Variants in MRGPRE observed in about 807,000 individuals in gnomAD.
MRGPRE encodes MAS related GPR family member E, also known as mas-related G protein-coupled receptor member E.
For synonymous variants in MRGPRE, 229 were observed against 206.7 expected (o/e 1.11, Z -0.92); for missense variants, 466 against 433.4 (o/e 1.08, Z -0.67).
chr11:3,231,829 C>T lies in MRGPRE; in HGVS notation c.-62+312G>A, dbSNP rs896621109. 3.3e-5 allele frequency among the ~76,000 whole-genome samples: 5 copies of T among 151,822 alleles called. No individual in the cohort carries two copies. The highest frequency in any genetic ancestry group is 1.2e-4 in the African/African-American group (5 of 41,318). On this transcript the variant is annotated intron_variant, in intron 1 of 1. Transcript: ENST00000389832. The surrounding 1 kb of genome is among the most constrained non-coding windows in gnomAD (Gnocchi z 4.7). ...CCATGACTCCCCTTGAGAGTCTGCA[C>T]CTGCAGGGAACACTCTAGATCATGG...
At position 3,228,842 on chromosome 11, in the gene MRGPRE, G is replaced by T. The variant is rs753097016; in HGVS notation, c.-43C>A. On this transcript the variant is annotated 5_prime_UTR_variant, in exon 2 of 2. Coordinates refer to ENST00000389832, the MANE Select transcript of MRGPRE (RefSeq NM_001039165.4). ...GATGCTGCAGGAGTGTGTTCTGCTC[G>T]CTCTCTCTCCTGATGCCCCTGTAAA... The T allele has an allele frequency of 2.7e-6, 4 of 1,489,230 alleles. No homozygotes were observed. The highest frequency in any genetic ancestry group is 2.0e-5 in the Admixed American group (1 of 50,822). The allele number at this position is 1,489,230 out of a possible 1,614,324, so 92.3% of individuals were successfully genotyped here.
rs1847780904 is a variant in MRGPRE, at chr11:3,227,926, C to G, written c.874G>C (p.Asp292His). 2 of 1,511,524 alleles carry G rather than the reference C, an allele frequency of 1.3e-6. No individual in the cohort carries two copies. The highest frequency in any genetic ancestry group is 2.8e-5 in the African/African-American group (2 of 72,162). 93.6% of individuals were successfully genotyped at this position (1,511,524 alleles called of 1,614,324 possible). ...LRLVLQRALG[D>H]EAELGAVRET... The stretch of plus-strand genomic sequence containing the variant: ...CTGACGGCCCCCAGCTCAGCCTCGT[C>G]TCCCAGCGCTCGCTGGAGGACCAGC... The change falls in exon 2 of 2, where the codon GAC becomes CAC. Residue 292 changes from aspartate to histidine, a missense_variant. Coordinates refer to ENST00000389832, the MANE Select transcript of MRGPRE (RefSeq NM_001039165.4).
In MRGPRE at chr11:3,229,835, C is replaced by T. The variant is rs755940698; in HGVS notation, c.-61-975G>A. Among the ~76,000 whole-genome samples the T allele has an allele frequency of 1.2e-4, 18 of 152,204 alleles. No individual in the cohort carries two copies. Among genetic ancestry groups the T allele is most frequent in the Non-Finnish European group, 2.1e-4 (14 of 68,038 alleles). On this transcript the variant is annotated intron_variant, in intron 1 of 1. Transcript: ENST00000389832. The surrounding 1 kb of genome is among the most constrained non-coding windows in gnomAD (Gnocchi z 4.4). ...AGGCTGCATCCTGCTCAACGTTGCC[C>T]GCCCTTTCCCCATGGGGAGAAGAGG...
Position 3,228,632 on chromosome 11 carries a change from G to T in MRGPRE, c.168C>A (p.Asn56Lys). 1 of 1,614,138 alleles carries T rather than the reference G, an allele frequency of 6.2e-7. No homozygotes were observed. The highest frequency in any genetic ancestry group is 8.5e-7 in the Non-Finnish European group (1 of 1,180,034). ...LWLLSSNVYR[N>K]PFAIYLLDVA... The stretch of plus-strand genomic sequence containing the variant: ...CGTCCAGGAGGTAGATGGCGAAGGG[G>T]TTTCTGTAGACATTGGAGCTGAGCA... Residue 56 changes from asparagine to lysine, a missense_variant, in exon 2 of 2, where the codon AAC becomes AAA. Asn to Lys is a moderately conservative substitution (Grantham distance 94). Coordinates refer to ENST00000389832, the MANE Select transcript of MRGPRE (RefSeq NM_001039165.4).
chr11:3,231,077 C>T lies in MRGPRE; in HGVS notation c.-62+1064G>A, dbSNP rs549954439. Among the ~76,000 whole-genome samples the T allele has an allele frequency of 3.9e-5, 6 of 152,184 alleles. No homozygotes were observed. In the South Asian group the frequency reaches 6.2e-4, roughly 16 times the overall value. On this transcript the variant is annotated intron_variant, in intron 1 of 1. Transcript: ENST00000389832. This position sits in a 1 kb window ranked among gnomAD's most constrained non-coding sequence, Gnocchi z 4.7. The stretch of plus-strand genomic sequence containing the variant: ...GGCACAAGTCCCGTCCACCCATGGA[C>T]GGAGCTATCTCCGGGATCTACCAGC...
Position 3,228,321 on chromosome 11 carries a change from C to T in MRGPRE, c.479G>A (p.Gly160Asp), listed in dbSNP as rs764661225. The T allele has an allele frequency of 2.6e-6, 4 of 1,558,864 alleles. No individual in the cohort carries two copies. Among genetic ancestry groups the T allele is most frequent in the East Asian group, 4.8e-5 (2 of 41,678 alleles). Reference protein sequence around the residue: ...LCLLLHLLLSGACTQFFGEPS... With the variant: ...LCLLLHLLLSDACTQFFGEPS... ...CTCCCCGAAGAACTGGGTGCAGGCG[C>T]CGCTGAGCAGCAGGTGCAGCAGCAG... The change falls in exon 2 of 2, where the codon GGC (glycine) becomes GAC (aspartate). Residue 160 changes from glycine (G) to aspartate (D), a missense_variant. Coordinates refer to ENST00000389832, the MANE Select transcript of MRGPRE (RefSeq NM_001039165.4).
Position 3,225,886 on chromosome 11 carries a change from A to G in MRGPRE, c.*1975T>C, listed in dbSNP as rs1046353231. On this transcript the variant is annotated 3_prime_UTR_variant, in exon 2 of 2. Transcript: ENST00000389832. ...TGCTGAGAGCAGGCTCTCTGGGAAG[A>G]AGTGAGCATTCTAAGGGTCCGCAAT... is the stretch of plus-strand genomic sequence containing the variant. Among the ~76,000 whole-genome samples the G allele has an allele frequency of 2.6e-5, 4 of 152,194 alleles. No homozygotes were observed. The highest frequency in any genetic ancestry group is 4.4e-5 in the Non-Finnish European group (3 of 68,026).
Position 3,227,789 on chromosome 11 carries a change from T to G in MRGPRE, c.*72A>C. On this transcript the variant is annotated 3_prime_UTR_variant, in exon 2 of 2. Transcript: ENST00000389832. ...TCCAGGTCCGGCTGGCCCCAGCCTC[T>G]GACCCCACCACCTTCCCCAAGTCAC... The G allele has an allele frequency of 7.8e-7, 1 of 1,289,488 alleles. No homozygotes were observed. Among genetic ancestry groups the G allele is most frequent in the Admixed American group, 3.0e-5 (1 of 33,794 alleles). 79.9% of individuals were successfully genotyped at this position (1,289,488 alleles called of 1,614,324 possible). A position where few individuals can be genotyped will look rare whatever the true frequency, so the allele number is the denominator to read the frequency against.
rs933495299 is a variant in MRGPRE, at chr11:3,230,309, G to T, written c.-61-1449C>A. Among the ~76,000 whole-genome samples the T allele has an allele frequency of 2.6e-5, 4 of 152,056 alleles. No individual in the cohort carries two copies. The South Asian group carries it at 8.3e-4, about 31-fold the overall frequency. On this transcript the variant is annotated intron_variant, in intron 1 of 1. Coordinates refer to ENST00000389832, the MANE Select transcript of MRGPRE (RefSeq NM_001039165.4). This position sits in a 1 kb window ranked among gnomAD's most constrained non-coding sequence, Gnocchi z 5.5. ...TGGCTGGTCCTCCTGTGTCCTGGGA[G>T]GGCTGGGGTTTGGGGTGAGGAGGGT...
chr11:3,225,514 G>A lies in MRGPRE; in HGVS notation c.*2347C>T, dbSNP rs950818585. Among the ~76,000 whole-genome samples the A allele has an allele frequency of 9.8e-5, 15 of 152,314 alleles. No homozygotes were observed. Among genetic ancestry groups the A allele is most frequent in the Admixed American group, 2.6e-4 (4 of 15,314 alleles). On this transcript the variant is annotated 3_prime_UTR_variant, in exon 2 of 2. Coordinates refer to ENST00000389832, the MANE Select transcript of MRGPRE (RefSeq NM_001039165.4). ...GTGGGGCCTTGTGGCTCTGGGGGCA[G>A]AAGAGGAGGTGCAGCGGGGGAGGTC...
rs561381884 is a variant in MRGPRE, at chr11:3,225,720, T to C, written c.*2141A>G. 7.2e-5 allele frequency among the ~76,000 whole-genome samples: 11 copies of C among 152,326 alleles called. No individual in the cohort carries two copies. The East Asian group carries it at 1.9e-3, about 27-fold the overall frequency. On this transcript the variant is annotated 3_prime_UTR_variant, in exon 2 of 2. Coordinates refer to ENST00000389832, the MANE Select transcript of MRGPRE (RefSeq NM_001039165.4). ...ACCAGCATCCTGGGCCATCAGGCCA[T>C]ATACCTGCTGCCACAGCAGCTACTA...
chr11:3,228,619 A>G lies in MRGPRE; in HGVS notation c.181T>C (p.Tyr61His). Residue 61 changes from tyrosine (Y) to histidine (H), a missense_variant, in exon 2 of 2, where the codon TAC becomes CAC. Coordinates refer to ENST00000389832, the MANE Select transcript of MRGPRE (RefSeq NM_001039165.4). ...TCCGCGCAGGCCACGTCCAGGAGGT[A>G]GATGGCGAAGGGGTTTCTGTAGACA... is the stretch of plus-strand genomic sequence containing the variant. Reference protein sequence around the residue: ...SNVYRNPFAIYLLDVACADLI... With the variant: ...SNVYRNPFAIHLLDVACADLI... 6.2e-7 allele frequency: 1 copy of G among 1,614,120 alleles called. No individual in the cohort carries two copies. Among genetic ancestry groups the G allele is most frequent in the Non-Finnish European group, 8.5e-7 (1 of 1,180,008 alleles).
In MRGPRE at chr11:3,230,889, G is replaced by C. The variant is rs1403058980; in HGVS notation, c.-62+1252C>G. ...TCATCAGGAGGACACCCTGAGTGGGGCAGACGGGGCATCACTGCCATGGCA... is the reference window on the plus strand; with the variant it reads ...TCATCAGGAGGACACCCTGAGTGGGCCAGACGGGGCATCACTGCCATGGCA... On this transcript the variant is annotated intron_variant, in intron 1 of 1. Coordinates refer to ENST00000389832, the MANE Select transcript of MRGPRE (RefSeq NM_001039165.4). The surrounding 1 kb of genome is among the most constrained non-coding windows in gnomAD (Gnocchi z 5.5). Among the ~76,000 whole-genome samples the C allele has an allele frequency of 6.6e-6, 1 of 152,092 alleles. No homozygotes were observed. Among genetic ancestry groups the C allele is most frequent in the East Asian group, 1.9e-4 (1 of 5,174 alleles).
Position 3,231,390 on chromosome 11 carries a change from C to G in MRGPRE, c.-62+751G>C, listed in dbSNP as rs1314070256. ...CAGCCAGACCCTGCTGCTGCCCCCTCTCTGCTGTGACCCTGGAGGAGGTCT... is the reference window on the plus strand; with the variant it reads ...CAGCCAGACCCTGCTGCTGCCCCCTGTCTGCTGTGACCCTGGAGGAGGTCT... On this transcript the variant is annotated intron_variant, in intron 1 of 1. Transcript: ENST00000389832. This position sits in a 1 kb window ranked among gnomAD's most constrained non-coding sequence, Gnocchi z 4.7. Among the ~76,000 whole-genome samples, 3 of 151,968 alleles carry G rather than the reference C, an allele frequency of 2.0e-5. No homozygotes were observed. The highest frequency in any genetic ancestry group is 1.3e-4 in the Admixed American group (2 of 15,276).
In MRGPRE at chr11:3,227,904, A is replaced by G; in HGVS notation, c.896T>C (p.Val299Ala). ...CAGGCCCCGGCGGGAGGTCTCCCTGACGGCCCCCAGCTCAGCCTCGTCTCC... is the reference window on the plus strand; with the variant it reads ...CAGGCCCCGGCGGGAGGTCTCCCTGGCGGCCCCCAGCTCAGCCTCGTCTCC... ...ALGDEAELGAVRETSRRGLVD... is the reference protein window; with the variant it reads ...ALGDEAELGAARETSRRGLVD... Residue 299 changes from valine (V) to alanine (A), a missense_variant, in exon 2 of 2, where the codon GTC becomes GCC. Val to Ala is a moderately conservative substitution (Grantham distance 64, BLOSUM62 0). Transcript: ENST00000389832. The G allele has an allele frequency of 6.8e-7, 1 of 1,475,974 alleles. No homozygotes were observed. Among genetic ancestry groups the G allele is most frequent in the Non-Finnish European group, 9.0e-7 (1 of 1,110,358 alleles). 91.4% of individuals were successfully genotyped at this position (1,475,974 alleles called of 1,614,324 possible).
chr11:3,227,115 G>T lies in MRGPRE; in HGVS notation c.*746C>A, dbSNP rs527848861. Among the ~76,000 whole-genome samples the T allele has an allele frequency of 6.6e-6, 1 of 152,304 alleles. No homozygotes were observed. The highest frequency in any genetic ancestry group is 2.1e-4 in the South Asian group (1 of 4,830). On this transcript the variant is annotated 3_prime_UTR_variant, in exon 2 of 2. Coordinates refer to ENST00000389832, the MANE Select transcript of MRGPRE (RefSeq NM_001039165.4). ...GGGGCCGGTGTGAAGCTTTCTGGTTGCTGAAGACCTGGGTCCTGTGGGGAG... is the reference window on the plus strand; with the variant it reads ...GGGGCCGGTGTGAAGCTTTCTGGTTTCTGAAGACCTGGGTCCTGTGGGGAG...
In MRGPRE at chr11:3,231,374, C is replaced by T. The variant is rs1369076770; in HGVS notation, c.-62+767G>A. Among the ~76,000 whole-genome samples the T allele has an allele frequency of 1.3e-5, 2 of 151,844 alleles. No individual in the cohort carries two copies. Among genetic ancestry groups the T allele is most frequent in the Admixed American group, 6.6e-5 (1 of 15,266 alleles). ...TTAGAGCCACGGAGCTCAGCCAGAC[C>T]CTGCTGCTGCCCCCTCTCTGCTGTG... On this transcript the variant is annotated intron_variant, in intron 1 of 1. Transcript: ENST00000389832. The surrounding 1 kb of genome is among the most constrained non-coding windows in gnomAD (Gnocchi z 4.7).
chr11:3,230,348 G>A lies in MRGPRE; in HGVS notation c.-61-1488C>T, dbSNP rs1409758050. Among the ~76,000 whole-genome samples, 1 of 152,056 alleles carries A rather than the reference G, an allele frequency of 6.6e-6. No homozygotes were observed. The highest frequency in any genetic ancestry group is 1.5e-5 in the Non-Finnish European group (1 of 68,000). ...GGTGAGGAGGGTGGGGGTACAAGCAGAAACCCCCATAGCTGGTCTTAGCGG... is the reference window on the plus strand; with the variant it reads ...GGTGAGGAGGGTGGGGGTACAAGCAAAAACCCCCATAGCTGGTCTTAGCGG... On this transcript the variant is annotated intron_variant, in intron 1 of 1. Coordinates refer to ENST00000389832, the MANE Select transcript of MRGPRE (RefSeq NM_001039165.4). This position sits in a 1 kb window ranked among gnomAD's most constrained non-coding sequence, Gnocchi z 5.5.
In MRGPRE at chr11:3,225,124, A is replaced by G. The variant is rs2134627028; in HGVS notation, c.*2737T>C. On this transcript the variant is annotated 3_prime_UTR_variant, in exon 2 of 2. Transcript: ENST00000389832. Reference sequence around the variant, plus strand: ...GCCTGCCTCTCCCCGTGAAGACGCCATGCAGCGCAGGCTGATTTACAGACT... The same window carrying G: ...GCCTGCCTCTCCCCGTGAAGACGCCGTGCAGCGCAGGCTGATTTACAGACT... 6.6e-6 allele frequency among the ~76,000 whole-genome samples: 1 copy of G among 152,370 alleles called. No homozygotes were observed. Among genetic ancestry groups the G allele is most frequent in the South Asian group, 2.1e-4 (1 of 4,826 alleles).
Sources: allele counts gnomAD v4.1 joint callset (sites outside exome capture counted in the v4.1 genomes callset), GRCh38; gene constraint gnomAD v4.1.1; non-coding constraint Gnocchi (gnomAD v3.1); transcripts MANE v1.5; gene names NCBI Gene and HGNC (gene_info 2026-07-23, HGNC 2026-07-21).